The following GSTT4 variants were observed in gnomAD, a reference collection of about 807,000 sequenced individuals.
The protein encoded by GSTT4 is glutathione S-transferase theta 4, also known as glutathione S-transferase theta-4.
chr22:23,995,684 C>T (rs2034109132), downstream of GSTT4, among the ~76,000 whole-genome samples: 1 of 152,172 alleles, frequency 6.6e-6, no homozygotes, highest in African/African-American at 2.4e-5. Flanking sequence ...TGGGTGCTTG[C>T]TGAAGAGCAG....
chr22:23,997,454 C>T (rs1372227008), downstream of GSTT4, among the ~76,000 whole-genome samples: 1 of 152,050 alleles, frequency 6.6e-6, no homozygotes, highest in Admixed American at 6.5e-5. Flanking sequence ...ATCTCCTGGC[C>T]TCAAGTGATC....
the GSTT4 span, among the ~76,000 whole-genome samples, chr22:23,992,698 G>C: frequency 2.0e-5 from 3 of 151,912 alleles, no homozygotes; most frequent in African/African-American, 7.3e-5. Flanking sequence ...TGTCTGCTCT[G>C]GGCAGTGATG....
At chr22:23,994,503 A>C (rs943054600), downstream of GSTT4, among the ~76,000 whole-genome samples, 5 of 151,088 alleles carry the variant, frequency 3.3e-5, no homozygotes, top group Admixed American at 3.3e-4. Context: ...GATTTCATTC[A>C]AATGTAATAA....
intron 3 of GSTT4, among the ~76,000 whole-genome samples, 195 bp from the exon 4 acceptor site, chr22:24,000,446 G>A (rs1354894943): frequency 6.2e-5 from 9 of 145,184 alleles, no homozygotes; most frequent in Non-Finnish European, 1.3e-4. Context: ...GGGGAGCTCA[G>A]CAGGCATAAG....
chr22:23,991,970 G>A, the GSTT4 span, among the ~76,000 whole-genome samples: 2 of 147,568 alleles, frequency 1.4e-5, no homozygotes, highest in East Asian at 2.0e-4. Context: ...GGAGAATGGC[G>A]TGAACCCGGG....
intron 3 of GSTT4, among the ~76,000 whole-genome samples, chr22:24,000,784 C>A (rs2034213068): frequency 8.0e-6 from 1 of 125,046 alleles, no homozygotes; most frequent in African/African-American, 3.7e-5. Flanking sequence ...AGGTCTTGAA[C>A]TCCTGACCTC....
chr22:23,989,599 C>T, the GSTT4 span, among the ~76,000 whole-genome samples: 1 of 148,856 alleles, frequency 6.7e-6, no homozygotes, highest in Non-Finnish European at 1.5e-5. Context: ...CTGTCAATAC[C>T]CCAGAGTCCC....
At chr22:23,997,586 G>C (rs60632916), downstream of GSTT4, among the ~76,000 whole-genome samples, 7,245 of 151,832 alleles carry the variant, frequency 0.048, 280 homozygotes, top group East Asian at 0.22. Flanking sequence ...TCTAAGTAAA[G>C]GTTTGCCAAT....
intron 2 of GSTT4, among the ~76,000 whole-genome samples, chr22:24,003,317 C>A (rs550754153): frequency 1.3e-5 from 2 of 151,880 alleles, no homozygotes; most frequent in African/African-American, 4.9e-5. Context: ...CTCAAGCAGT[C>A]TTTCCGCCTC....
Position 23,998,455 on chromosome 22 carries a change from T to TG in GSTT4, c.*86dup, listed in dbSNP as rs1569037718. On this transcript the variant is annotated 3_prime_UTR_variant, in exon 5 of 5. Coordinates refer to ENST00000621179, the MANE Select transcript of GSTT4 (RefSeq NM_001358664.2). ...AAGAACAGTTGTTTTTTTGTTTTTT[T>TG]GTTTTTTTTTTTTTAACATTTCCTT... 3.9e-5 allele frequency: 1 copy of TG among 25,670 alleles called. No individual in the cohort carries two copies. Among genetic ancestry groups the TG allele is most frequent in the African/African-American group, 1.7e-4 (1 of 5,838 alleles). The allele number at this position is 25,670 out of a possible 1,614,324, so 1.6% of individuals were successfully genotyped here.
chr22:23,991,280 C>T, the GSTT4 span: 122 of 93,984 alleles, frequency 1.3e-3, no homozygotes, highest in Admixed American at 2.2e-3. Context: ...TGCAAAGCAG[C>T]GGGGACAGGC....
intron 1 of GSTT4, 145 bp from the exon 2 acceptor site, chr22:24,003,992 C>T (rs2034296459): frequency 6.5e-6 from 1 of 153,210 alleles, no homozygotes; most frequent in Admixed American, 6.5e-5. Context: ...CCCCAGGTCA[C>T]AGGGCAAGGC....
chr22:23,992,052 C>CAAATAAAAA, the GSTT4 span, among the ~76,000 whole-genome samples: 1 of 71,188 alleles, frequency 1.4e-5, no homozygotes, highest in Non-Finnish European at 2.8e-5. Flanking sequence ...TACTCCGTCT[C>CAAATAAAAA]AAAAAAAAAA....
downstream of GSTT4, among the ~76,000 whole-genome samples, chr22:23,994,907 A>G (rs1489732643): frequency 6.6e-6 from 1 of 151,724 alleles, no homozygotes; most frequent in Non-Finnish European, 1.5e-5. Context: ...AAATGGGCAT[A>G]ATACTACTAC....
chr22:23,998,448 G>GTTT lies in GSTT4; in HGVS notation c.*91_*93dup, dbSNP rs368378952. ...TTAGGCAAAGAACAGTTGTTTTTTT[G>GTTT]TTTTTTTGTTTTTTTTTTTTTAACA... On this transcript the variant is annotated 3_prime_UTR_variant, in exon 5 of 5. Transcript: ENST00000621179. 2 of 35,540 alleles carry GTTT rather than the reference G, an allele frequency of 5.6e-5. No individual in the cohort carries two copies. The highest frequency in any genetic ancestry group is 8.7e-5 in the African/African-American group (1 of 11,534). The allele number at this position is 35,540 out of a possible 1,614,324, so 2.2% of individuals were successfully genotyped here.
chr22:23,992,963 G>A, the GSTT4 span, among the ~76,000 whole-genome samples: 1 of 151,680 alleles, frequency 6.6e-6, no homozygotes, highest in Non-Finnish European at 1.5e-5. Flanking sequence ...TGTAGAGACG[G>A]GGTCGCACTT....
intron 2 of GSTT4, among the ~76,000 whole-genome samples, chr22:24,003,180 G>T (rs1196815711): frequency 1.3e-5 from 2 of 149,970 alleles, no homozygotes; most frequent in Non-Finnish European, 3.0e-5. Context: ...TCTCTGAAAA[G>T]TATGTTCCTA....
downstream of GSTT4, among the ~76,000 whole-genome samples, chr22:23,996,019 C>T (rs1231371890): frequency 6.6e-6 from 1 of 150,560 alleles, no homozygotes; most frequent in Non-Finnish European, 1.5e-5. Context: ...TCTTGGCACA[C>T]TGCAACCTCC....
the GSTT4 span, among the ~76,000 whole-genome samples, chr22:23,992,052 C>CAAAAAAAAAAAAAA: frequency 2.8e-5 from 2 of 71,188 alleles, no homozygotes; most frequent in East Asian, 3.9e-4. Flanking sequence ...TACTCCGTCT[C>CAAAAAAAAAAAAAA]AAAAAAAAAA....
Sources: gnomAD v4.1 joint callset for allele counts (sites outside exome capture counted in the v4.1 genomes callset) on GRCh38, gnomAD v4.1.1 for gene constraint, MANE v1.5 for transcripts, NCBI Gene and HGNC (gene_info 2026-07-23, HGNC 2026-07-21) for gene names.